Variants in KASH5 observed in about 807,000 individuals in gnomAD.
The protein encoded by KASH5 is KASH domain containing 5, also known as protein KASH5.
A neutral mutation model predicts 84.2 loss-of-function variants in KASH5; 72 were observed. The observed-to-expected ratio is 0.85, with a 90% CI of 0.71 to 1.04. The LOEUF (loss-of-function observed/expected upper bound fraction) is 1.04. Among genes scored for constraint, KASH5 ranks in the 50% least tolerant of loss-of-function variants. The pLI, the probability that KASH5 is intolerant of heterozygous loss-of-function variation, is 0.00. For missense variants in KASH5, 650 were observed against 701.0 expected (o/e 0.93, Z 0.82); for synonymous variants, 260 against 279.1 (o/e 0.93, Z 0.68).
rs946565456 is a variant in KASH5 at position 49,417,045 on chromosome 19, C to T, written c.1405C>T (p.Arg469Cys). 8 of 1,594,696 alleles carry T rather than the reference C, an allele frequency of 5.0e-6. No individual in the cohort carries two copies. Among genetic ancestry groups the T allele is most frequent in the South Asian group, 3.4e-5 (3 of 87,882 alleles). Residue 469 changes from arginine to cysteine, a missense_variant, in exon 18 of 20, where the codon CGC (arginine) becomes TGC (cysteine). By Grantham distance (180) the Arg-to-Cys change is radical. Coordinates refer to ENST00000447857, the MANE Select transcript of KASH5 (RefSeq NM_144688.5). The surrounding 1 kb of genome is among the most constrained non-coding windows in gnomAD (Gnocchi z 5.2). ...ADLPVPLGAP[R>C]PGDIPENPPE... ...TCTCCCTGTCCCTCTAGGAGCCCCT[C>T]GCCCTGGAGACATCCCAGAAAACCC...
intron 15 of KASH5, among the ~76,000 whole-genome samples, chr19:49,410,330 T>C (rs547055305): frequency 6.6e-6 from 1 of 152,284 alleles, no homozygotes; most frequent in South Asian, 2.1e-4. Flanking sequence ...TTGGGGTTTT[T>C]TTTGTTTTTT....
rs1458562832 is a variant in KASH5 at position 49,406,960 on chromosome 19, G to A, written c.873G>A (p.Leu291=). 3 of 1,589,378 alleles carry A rather than the reference G, an allele frequency of 1.9e-6. No individual in the cohort carries two copies. The highest frequency in any genetic ancestry group is 2.6e-6 in the Non-Finnish European group (3 of 1,167,844). The part of the protein sequence containing the change: ...SQELAMEKDT[L]KRQLFECEHL... Reference sequence around the variant, plus strand: ...AGCTGGCCATGGAGAAGGACACTTTGAAGGTGCCACTCCTTCCTAGTGCCT... The same window carrying A: ...AGCTGGCCATGGAGAAGGACACTTTAAAGGTGCCACTCCTTCCTAGTGCCT... The change falls in exon 10 of 20, where the codon TTG becomes TTA. Residue 291 remains leucine (L), a synonymous_variant. Transcript: ENST00000447857.
Position 49,409,763 on chromosome 19 carries a change from T to C in KASH5, c.1157T>C (p.Val386Ala). The C allele has an allele frequency of 6.2e-7, 1 of 1,613,940 alleles. No homozygotes were observed. ...EIEAIRQKQE[V>A]ATADLSNPLC... ...CAACTTCTGTCCCAGAAACAGGAAG[T>C]GGCAACTGCTGATCTCTCCAACCCT... is the stretch of plus-strand genomic sequence containing the variant. Residue 386 changes from valine (V) to alanine (A), a missense_variant, in exon 15 of 20, where the codon GTG (valine) becomes GCG (alanine). By Grantham distance (64) the Val-to-Ala change is moderately conservative. Coordinates refer to ENST00000447857, the MANE Select transcript of KASH5 (RefSeq NM_144688.5).
Position 49,407,672 on chromosome 19 carries a change from G to T in KASH5, c.993+1G>T. ...GGAAGAATACAGAGTGACGACGCAGGTAACTCAGCGGCCCTCGCCACCCAC... is the reference window on the plus strand; with the variant it reads ...GGAAGAATACAGAGTGACGACGCAGTTAACTCAGCGGCCCTCGCCACCCAC... On this transcript the variant is annotated splice_donor_variant, in intron 12 of 19. Transcript: ENST00000447857. LOFTEE classifies it high-confidence loss of function. 1 of 1,602,046 alleles carries T rather than the reference G, an allele frequency of 6.2e-7. No homozygotes were observed. Among genetic ancestry groups the T allele is most frequent in the Non-Finnish European group, 8.5e-7 (1 of 1,174,414 alleles).
intron 9 of KASH5, among the ~76,000 whole-genome samples, chr19:49,403,450 C>G (rs1260258365): frequency 1.3e-5 from 2 of 152,228 alleles, no homozygotes; most frequent in African/African-American, 4.8e-5. Context: ...TCACCCCACC[C>G]CCAGCAGCTC....
At chr19:49,403,677 C>T (rs1974437068) in intron 9 of KASH5, among the ~76,000 whole-genome samples, 1 of 152,196 alleles carries the variant, frequency 6.6e-6, no homozygotes, top group African/African-American at 2.4e-5. Flanking sequence ...CATCTGCCCT[C>T]AGACAGAGAG....
intron 16 of KASH5, among the ~76,000 whole-genome samples, chr19:49,413,984 C>T (rs2122229576): frequency 1.3e-5 from 2 of 152,148 alleles, no homozygotes; most frequent in Middle Eastern, 3.4e-3. Flanking sequence ...AACTGCAGGG[C>T]TGGATCTCTG....
chr19:49,401,095 G>A (rs1283812757), intron 9 of KASH5, among the ~76,000 whole-genome samples: 2 of 152,132 alleles, frequency 1.3e-5, no homozygotes, highest in East Asian at 1.9e-4. Flanking sequence ...TGTGAGGCCC[G>A]CATTGCCTTT....
chr19:49,411,413 C>T (rs1174266522), intron 15 of KASH5, among the ~76,000 whole-genome samples: 1 of 152,088 alleles, frequency 6.6e-6, no homozygotes, highest in East Asian at 1.9e-4. Context: ...TCTTTGACAC[C>T]AGAGCTTGTT....
chr19:49,390,671 C>T, intron 1 of KASH5, 118 bp from the exon 2 acceptor site: 4 of 520,642 alleles, frequency 7.7e-6, no homozygotes, highest in Non-Finnish European at 1.3e-5. Flanking sequence ...GCTCAGGTCA[C>T]AGCGGGGGTG....
intron 16 of KASH5, 124 bp downstream of exon 16, chr19:49,413,150 CG>C: frequency 1.0e-6 from 1 of 966,068 alleles, no homozygotes; most frequent in Non-Finnish European, 1.5e-6. Context: ...TCATGTCTTC[CG>C]GGAGCAGAAC....
rs1974745630 is a variant in KASH5 at position 49,412,301 on chromosome 19, C to T, written c.1270-667C>T. On this transcript the variant is annotated intron_variant, in intron 15 of 19. Coordinates refer to ENST00000447857, the MANE Select transcript of KASH5 (RefSeq NM_144688.5). This position sits in a 1 kb window ranked among gnomAD's most constrained non-coding sequence, Gnocchi z 4.6. Reference sequence around the variant, plus strand: ...GGATGGAGGAAAAGGGACAGACAGACATAATTGGGGTGGAGGGACAGAGCA... The same window carrying T: ...GGATGGAGGAAAAGGGACAGACAGATATAATTGGGGTGGAGGGACAGAGCA... 6.6e-6 allele frequency among the ~76,000 whole-genome samples: 1 copy of T among 151,744 alleles called. No individual in the cohort carries two copies. Among genetic ancestry groups the T allele is most frequent in the African/African-American group, 2.4e-5 (1 of 41,266 alleles).
In KASH5 at chr19:49,412,296, A is replaced by C. The variant is rs896316185; in HGVS notation, c.1270-672A>C. ...CCTAGGGATGGAGGAAAAGGGACAG[A>C]CAGACATAATTGGGGTGGAGGGACA... On this transcript the variant is annotated intron_variant, in intron 15 of 19. Coordinates refer to ENST00000447857, the MANE Select transcript of KASH5 (RefSeq NM_144688.5). This position sits in a 1 kb window ranked among gnomAD's most constrained non-coding sequence, Gnocchi z 4.6. 6.6e-5 allele frequency among the ~76,000 whole-genome samples: 10 copies of C among 152,080 alleles called. No homozygotes were observed. Among genetic ancestry groups the C allele is most frequent in the African/African-American group, 2.2e-4 (9 of 41,392 alleles).
intron 14 of KASH5, 69 bp from the exon 15 acceptor site, chr19:49,409,684 T>C: frequency 1.9e-6 from 3 of 1,601,158 alleles, no homozygotes; most frequent in Non-Finnish European, 2.6e-6. Flanking sequence ...CTAAACCTAT[T>C]TCTATCTCTG....
chr19:49,409,870 GGA>G lies in KASH5; in HGVS notation c.1265_1266del (p.Gly422AlafsTer12), dbSNP rs1327318110. 1 of 1,613,530 alleles carries G rather than the reference GGA, an allele frequency of 6.2e-7. No homozygotes were observed. Among genetic ancestry groups the G allele is most frequent in the South Asian group, 1.1e-5 (1 of 91,052 alleles). The part of the protein sequence containing the change: ...TEFPSEAPAG[G>X]QRNFQGEPAH... ...GTTTCCATCTGAAGCCCCAGCTGGGGGACAGGTGAGCACAGGAAAAGCTCTGA... is the reference window on the plus strand; with the variant it reads ...GTTTCCATCTGAAGCCCCAGCTGGGGCAGGTGAGCACAGGAAAAGCTCTGA... On this transcript the variant is annotated frameshift_variant, in exon 15 of 20. Transcript: ENST00000447857. LOFTEE classifies it high-confidence loss of function.
At position 49,402,720 on chromosome 19, in the gene KASH5, A is replaced by T. The variant is rs146133199; in HGVS notation, c.798+3213A>T. ...AGACTCTGTCTCAAAAAAAATTTTT[A>T]AAAATGAAAAACTTTCCCTGAAGCC... On this transcript the variant is annotated intron_variant, in intron 9 of 19. Coordinates refer to ENST00000447857, the MANE Select transcript of KASH5 (RefSeq NM_144688.5). 5.3e-3 allele frequency among the ~76,000 whole-genome samples: 812 copies of T among 152,276 alleles called. 9 individuals carry two copies. Among genetic ancestry groups the T allele is most frequent in the African/African-American group, 0.018 (729 of 41,558 alleles).
At chr19:49,390,631 C>G (rs542850902) in intron 1 of KASH5, among the ~76,000 whole-genome samples, 158 bp from the exon 2 acceptor site, 9 of 152,104 alleles carry the variant, frequency 5.9e-5, no homozygotes, top group African/African-American at 2.2e-4. Context: ...GCCCACACCT[C>G]CAATCCATAA....
rs550848740 is a variant in KASH5 at position 49,417,563 on chromosome 19, C to T, written c.*53C>T. On this transcript the variant is annotated 3_prime_UTR_variant, in exon 20 of 20. Coordinates refer to ENST00000447857, the MANE Select transcript of KASH5 (RefSeq NM_144688.5). The surrounding 1 kb of genome is among the most constrained non-coding windows in gnomAD (Gnocchi z 5.2). Reference sequence around the variant, plus strand: ...GTCTAGCTCAATAAATCCCCTGGCCCTCTCTCCACTGGGATCCCCATTGTT... The same window carrying T: ...GTCTAGCTCAATAAATCCCCTGGCCTTCTCTCCACTGGGATCCCCATTGTT... 2 of 1,467,120 alleles carry T rather than the reference C, an allele frequency of 1.4e-6. No individual in the cohort carries two copies. The highest frequency in any genetic ancestry group is 9.1e-7 in the Non-Finnish European group (1 of 1,104,066). 90.9% of individuals were successfully genotyped at this position (1,467,120 alleles called of 1,614,324 possible).
chr19:49,399,173 C>T lies in KASH5; in HGVS notation c.747+31C>T, dbSNP rs774685090. 2.2e-5 allele frequency: 33 copies of T among 1,513,604 alleles called. No individual in the cohort carries two copies. The highest frequency in any genetic ancestry group is 3.7e-4 in the Middle Eastern group (2 of 5,370). The allele number at this position is 1,513,604 out of a possible 1,614,324, so 93.8% of individuals were successfully genotyped here. A position where few individuals can be genotyped will look rare whatever the true frequency, so the allele number is the denominator to read the frequency against. On this transcript the variant is annotated intron_variant, in intron 8 of 19. Transcript: ENST00000447857. This position sits in a 1 kb window ranked among gnomAD's most constrained non-coding sequence, Gnocchi z 4.4. The stretch of plus-strand genomic sequence containing the variant: ...TCTGGCCCAGGGGAAGGAAGGTGCC[C>T]TCTCTCTTCTTTGTTTCCTGGAGTC...
Sources: allele counts gnomAD v4.1 joint callset (sites outside exome capture counted in the v4.1 genomes callset), GRCh38; gene constraint gnomAD v4.1.1; non-coding constraint Gnocchi (gnomAD v3.1); transcripts MANE v1.5; gene names NCBI Gene and HGNC (gene_info 2026-07-23, HGNC 2026-07-21).